IFTAP: variants seen among roughly 807,000 people sequenced by gnomAD.
IFTAP encodes the protein intraflagellar transport associated protein.
IFTAP carries 19 observed loss-of-function variants against 19.4 expected under a neutral mutation model. The ratio of observed to expected loss-of-function variants is 0.98; its 90% CI spans 0.68 to 1.44. The LOEUF is 1.44. Among genes scored for constraint, IFTAP ranks in the 40% most tolerant of loss-of-function variants. IFTAP has a pLI of 0.00. For synonymous variants in IFTAP, 85 were observed against 83.5 expected (o/e 1.02, Z -0.10); for missense variants, 240 against 253.6 (o/e 0.95, Z 0.36).
chr11:36,623,625 C>G (rs1852392458), intron 2 of IFTAP, among the ~76,000 whole-genome samples: 1 of 152,102 alleles, frequency 6.6e-6, no homozygotes, highest in Non-Finnish European at 1.5e-5. Context: ...CAAAGCTACT[C>G]CATCACAGGG....
chr11:36,619,149 T>C (rs369827829), intron 2 of IFTAP, among the ~76,000 whole-genome samples: 7 of 152,120 alleles, frequency 4.6e-5, no homozygotes, highest in African/African-American at 1.7e-4. Context: ...GCGTTCGTTC[T>C]GTCAAGAGCT....
Position 36,635,999 on chromosome 11 carries a change from G to A in IFTAP, c.292-52G>A. Reference sequence around the variant, plus strand: ...GTGGATTCGTTGACTTTTCACTGCAGTTTTTCTTTAGGTCTATTCTGCTTA... The same window carrying A: ...GTGGATTCGTTGACTTTTCACTGCAATTTTTCTTTAGGTCTATTCTGCTTA... On this transcript the variant is annotated intron_variant, in intron 3 of 5. Transcript: ENST00000334307. 3.8e-6 allele frequency: 5 copies of A among 1,306,782 alleles called. No homozygotes were observed. In the South Asian group the frequency reaches 6.0e-5, roughly 16 times the overall value. 80.9% of individuals were successfully genotyped at this position (1,306,782 alleles called of 1,614,324 possible). A position where few individuals can be genotyped will look rare whatever the true frequency, so the allele number is the denominator to read the frequency against.
chr11:36,597,828 C>G (rs1009541670), intron 1 of IFTAP: 1 of 152,022 alleles, frequency 6.6e-6, no homozygotes, highest in Non-Finnish European at 1.5e-5. Context: ...GCAGTAAAAC[C>G]AGGATTAGGT....
intron 1 of IFTAP, among the ~76,000 whole-genome samples, chr11:36,595,626 C>T (rs922151739): frequency 6.6e-6 from 1 of 152,240 alleles, no homozygotes; most frequent in Non-Finnish European, 1.5e-5. Flanking sequence ...TATGTAACCT[C>T]TGTGTGCCTC....
At chr11:36,617,224 TA>T (rs1307122620) in intron 2 of IFTAP, among the ~76,000 whole-genome samples, 3 of 148,552 alleles carry the variant, frequency 2.0e-5, no homozygotes, top group Non-Finnish European at 3.0e-5. Context: ...TTTGTATATT[TA>T]TTTTTTTGTA....
At chr11:36,647,107 C>T (rs948048050) in intron 4 of IFTAP, among the ~76,000 whole-genome samples, 1 of 152,090 alleles carries the variant, frequency 6.6e-6, no homozygotes, top group Non-Finnish European at 1.5e-5. Flanking sequence ...CTGCCATTTG[C>T]AGCAGTCAAG....
At chr11:36,628,127 C>G (rs899299272) in intron 2 of IFTAP, among the ~76,000 whole-genome samples, 6 of 150,700 alleles carry the variant, frequency 4.0e-5, no homozygotes, top group African/African-American at 1.5e-4. Context: ...CCACTTTGAT[C>G]CATTCTATCC....
intron 4 of IFTAP, among the ~76,000 whole-genome samples, chr11:36,646,180 C>G (rs181054930): frequency 6.6e-6 from 1 of 152,158 alleles, no homozygotes; most frequent in Non-Finnish European, 1.5e-5. Context: ...AGTTGTCCTC[C>G]TCACTGCACA....
At chr11:36,652,724 C>A (rs1397213552) in intron 5 of IFTAP, among the ~76,000 whole-genome samples, 1 of 151,988 alleles carries the variant, frequency 6.6e-6, no homozygotes, top group African/African-American at 2.4e-5. Flanking sequence ...TGAGATACAT[C>A]CCATCAATAC....
At chr11:36,616,118 G>A (rs1013465892) in intron 2 of IFTAP, among the ~76,000 whole-genome samples, 4 of 151,790 alleles carry the variant, frequency 2.6e-5, no homozygotes, top group African/African-American at 4.8e-5. Flanking sequence ...GGTAACTGTC[G>A]GGAGTTACAG....
At chr11:36,610,055 C>G in intron 1 of IFTAP, 26 bp from the exon 2 acceptor site, 3 of 1,597,498 alleles carry the variant, frequency 1.9e-6, no homozygotes, top group African/African-American at 1.3e-5. Flanking sequence ...CTGATTCTCT[C>G]TAGCTGGTAT....
intron 4 of IFTAP, among the ~76,000 whole-genome samples, chr11:36,645,548 C>T (rs142471215): frequency 6.6e-6 from 1 of 152,116 alleles, no homozygotes; most frequent in East Asian, 1.9e-4. Flanking sequence ...ATTTCATTTC[C>T]TACCATGAGT....
intron 4 of IFTAP, among the ~76,000 whole-genome samples, chr11:36,642,103 C>A (rs149313348): frequency 0.012 from 1,871 of 152,096 alleles, 33 homozygotes; most frequent in African/African-American, 0.043. Context: ...AATTGATAGA[C>A]CGCTAGCAAG....
intron 4 of IFTAP, among the ~76,000 whole-genome samples, chr11:36,645,863 C>G (rs1045954190): frequency 3.3e-5 from 5 of 152,142 alleles, no homozygotes; most frequent in Non-Finnish European, 7.4e-5. Flanking sequence ...GGCAGGCAGA[C>G]TCGATACTTG....
intron 1 of IFTAP, among the ~76,000 whole-genome samples, chr11:36,596,917 T>C (rs1305610461): frequency 6.6e-6 from 1 of 152,188 alleles, no homozygotes; most frequent in South Asian, 2.1e-4. Flanking sequence ...AGGAGGATTG[T>C]CCATTTTTGT....
At chr11:36,657,712 G>A (rs919614747) in intron 5 of IFTAP, among the ~76,000 whole-genome samples, 2 of 152,150 alleles carry the variant, frequency 1.3e-5, no homozygotes, top group Admixed American at 6.5e-5. Flanking sequence ...TTATAAGGTA[G>A]GGGTAACAGT....
intron 5 of IFTAP, 177 bp downstream of exon 5, chr11:36,648,332 C>T: frequency 1.4e-6 from 1 of 737,792 alleles, no homozygotes; most frequent in Non-Finnish European, 2.1e-6. Flanking sequence ...TCTTTTTAAA[C>T]ACATAGAGCA....
intron 5 of IFTAP, among the ~76,000 whole-genome samples, chr11:36,648,768 G>A (rs1590233648): frequency 1.3e-5 from 2 of 152,202 alleles, no homozygotes; most frequent in East Asian, 1.9e-4. Context: ...GAACATGGGG[G>A]CAGCATGTTT....
At chr11:36,613,667 A>G (rs530574422) in intron 2 of IFTAP, among the ~76,000 whole-genome samples, 5 of 152,122 alleles carry the variant, frequency 3.3e-5, no homozygotes, top group South Asian at 2.1e-4. Context: ...TGAGTCTAGG[A>G]TAACTACTGA....
Sources: gnomAD v4.1 joint callset for allele counts (sites outside exome capture counted in the v4.1 genomes callset) on GRCh38, gnomAD v4.1.1 for gene constraint, MANE v1.5 for transcripts, NCBI Gene and HGNC (gene_info 2026-07-23, HGNC 2026-07-21) for gene names.